STK10: variants seen among roughly 807,000 people sequenced by gnomAD.
The protein encoded by STK10 is serine/threonine kinase 10.
STK10 carries 78 observed loss-of-function variants against 113.8 expected under a neutral mutation model. That is an observed-to-expected ratio of 0.69 (90% CI 0.57 to 0.83). STK10 has a LOEUF of 0.83. Ranked by LOEUF, STK10 falls within the 40% of genes least tolerant of loss-of-function variation. The pLI, the probability that STK10 is intolerant of heterozygous loss-of-function variation, is 0.00. For synonymous variants in STK10, 465 were observed against 494.7 expected (o/e 0.94, Z 0.80); for missense variants, 1,109 against 1,280.1 (o/e 0.87, Z 2.04).
At chr5:172,056,815 A>G (rs1304983897) in intron 15 of STK10, among the ~76,000 whole-genome samples, 1 of 149,886 alleles carries the variant, frequency 6.7e-6, no homozygotes, top group African/African-American at 2.4e-5. Flanking sequence ...TGGAGGTTGC[A>G]GTGAGCCTAG....
intron 1 of STK10, among the ~76,000 whole-genome samples, chr5:172,172,021 GTC>G (rs766129849): frequency 1.9e-4 from 29 of 151,704 alleles, no homozygotes; most frequent in Non-Finnish European, 3.8e-4. Flanking sequence ...GTGAAACCCT[GTC>G]TCTACAAAAA....
chr5:172,127,759 G>A, intron 2 of STK10, among the ~76,000 whole-genome samples: 1 of 152,204 alleles, frequency 6.6e-6, no homozygotes, highest in Non-Finnish European at 1.5e-5. Context: ...GTGCCCACCT[G>A]CCAGCTGCCC....
At chr5:172,071,754 C>A (rs972164718) in intron 12 of STK10, among the ~76,000 whole-genome samples, 1 of 152,120 alleles carries the variant, frequency 6.6e-6, no homozygotes, top group African/African-American at 2.4e-5. Flanking sequence ...CTCGTCCTTA[C>A]AAGCAGCCCA....
At chr5:172,117,216 T>G (rs1769406413) in intron 4 of STK10, among the ~76,000 whole-genome samples, 1 of 151,664 alleles carries the variant, frequency 6.6e-6, no homozygotes, top group South Asian at 2.1e-4. Flanking sequence ...GAGGTGGAGG[T>G]TGCAGTGAGC....
rs759032333 is a variant in STK10 at position 172,082,938 on chromosome 5, G to A, written c.1809+23C>T. ...ACCTGGAGGCAAGAAGCCCTGCAGG[G>A]TCCCATCTTTTCTCGCACTCACGTT... On this transcript the variant is annotated intron_variant, in intron 11 of 18. Transcript: ENST00000176763. The surrounding 1 kb of genome is among the most constrained non-coding windows in gnomAD (Gnocchi z 4.3). The A allele has an allele frequency of 1.2e-6, 2 of 1,610,490 alleles. No individual in the cohort carries two copies. Among genetic ancestry groups the A allele is most frequent in the South Asian group, 1.1e-5 (1 of 90,650 alleles).
At chr5:172,164,590 T>C (rs1770530662) in intron 1 of STK10, among the ~76,000 whole-genome samples, 4 of 152,204 alleles carry the variant, frequency 2.6e-5, no homozygotes, top group African/African-American at 9.7e-5. Context: ...CTGACAGCTT[T>C]GCCAGAGATG....
chr5:172,148,170 C>T (rs946696144), intron 2 of STK10, among the ~76,000 whole-genome samples: 3 of 152,132 alleles, frequency 2.0e-5, no homozygotes, highest in Non-Finnish European at 4.4e-5. Context: ...TCATCCCCGA[C>T]GTCCAGATGA....
rs187905948 is a variant in STK10 at position 172,069,816 on chromosome 5, A to G, written c.1990-5004T>C. Among the ~76,000 whole-genome samples the G allele has an allele frequency of 4.4e-4, 67 of 152,324 alleles. 1 individual carries two copies. Among genetic ancestry groups the G allele is most frequent in the African/African-American group, 1.5e-3 (62 of 41,572 alleles). On this transcript the variant is annotated intron_variant, in intron 12 of 18. Transcript: ENST00000176763. ...ACAATACTATCAATTAAGTTGACCT[A>G]CTTGACATTTATAGAATACTCCACT...
At chr5:172,050,028 CTT>C (rs1272738268) in intron 18 of STK10, among the ~76,000 whole-genome samples, 13 of 152,238 alleles carry the variant, frequency 8.5e-5, no homozygotes, top group Non-Finnish European at 1.9e-4. Context: ...GTCTCGAACT[CTT>C]AACCTCAGGT....
rs528443403 is a variant in STK10, at chr5:172,047,512, A to G, written c.2767-2490T>C. Among the ~76,000 whole-genome samples the G allele has an allele frequency of 7.2e-5, 11 of 152,268 alleles. No individual in the cohort carries two copies. The East Asian group carries it at 2.1e-3, about 29-fold the overall frequency. ...TGTCAAGTATGGAAAGTCCCAGCAG[A>G]CCATGGTTACAGAAACTGATGAGCG... On this transcript the variant is annotated intron_variant, in intron 18 of 18. Coordinates refer to ENST00000176763, the MANE Select transcript of STK10 (RefSeq NM_005990.4).
intron 2 of STK10, 98 bp from the exon 3 acceptor site, chr5:172,127,519 A>G (rs1769650830): frequency 7.8e-7 from 1 of 1,274,092 alleles, no homozygotes. Context: ...CCCATGCCCA[A>G]TGCCTGGGTG....
At chr5:172,127,513 T>C in intron 2 of STK10, 92 bp from the exon 3 acceptor site, 3 of 1,335,284 alleles carry the variant, frequency 2.2e-6, no homozygotes, top group Non-Finnish European at 3.2e-6. Context: ...GGTCCACCCA[T>C]GCCCAATGCC....
intron 1 of STK10, among the ~76,000 whole-genome samples, chr5:172,185,699 T>C (rs1190658415): frequency 1.3e-5 from 2 of 152,232 alleles, no homozygotes; most frequent in African/African-American, 2.4e-5. Flanking sequence ...AGGAGCAGGC[T>C]CTGTCTAAGG....
At position 172,128,339 on chromosome 5, in the gene STK10, T is replaced by C. The variant is rs1239779226; in HGVS notation, c.322-918A>G. ...AGATGCTTTTTCTTTTCTTTCTTCT[T>C]TCCTTTTTTTTTTTTTTTTTAGACA... On this transcript the variant is annotated intron_variant, in intron 2 of 18. Coordinates refer to ENST00000176763, the MANE Select transcript of STK10 (RefSeq NM_005990.4). Among the ~76,000 whole-genome samples the C allele has an allele frequency of 2.8e-5, 4 of 141,972 alleles. No homozygotes were observed. In the Admixed American group the frequency reaches 2.8e-4, roughly 10 times the overall value. 93.1% of individuals were successfully genotyped at this position (141,972 alleles called of 152,430 possible).
chr5:172,106,448 G>T (rs573515480), intron 6 of STK10, among the ~76,000 whole-genome samples, 172 bp downstream of exon 6: 1 of 135,362 alleles, frequency 7.4e-6, no homozygotes, highest in South Asian at 2.4e-4. Flanking sequence ...AGGCACGAAG[G>T]GCCCGGGGGG....
chr5:172,073,110 G>C (rs1768232667), intron 12 of STK10, among the ~76,000 whole-genome samples: 3 of 151,536 alleles, frequency 2.0e-5, no homozygotes. Flanking sequence ...CAAGCAGCTG[G>C]GATTACAGGT....
chr5:172,042,150 T>A lies in STK10; in HGVS notation c.*2732A>T, dbSNP rs1251384696. 6.6e-6 allele frequency: 1 copy of A among 152,662 alleles called. No homozygotes were observed. The highest frequency in any genetic ancestry group is 1.5e-5 in the Non-Finnish European group (1 of 68,030). 9.5% of individuals were successfully genotyped at this position (152,662 alleles called of 1,614,324 possible). A position where few individuals can be genotyped will look rare whatever the true frequency, so the allele number is the denominator to read the frequency against. On this transcript the variant is annotated 3_prime_UTR_variant, in exon 19 of 19. Transcript: ENST00000176763. ...CTTTCCAGAGAACATTTTACAAAAATTTTGTATAAAGTCTGGAAACTACAT... is the reference window on the plus strand; with the variant it reads ...CTTTCCAGAGAACATTTTACAAAAAATTTGTATAAAGTCTGGAAACTACAT...
At chr5:172,045,549 T>G (rs1581126869) in intron 18 of STK10, 2 of 415,696 alleles carry the variant, frequency 4.8e-6, no homozygotes, top group East Asian at 1.4e-4. Flanking sequence ...GTTCGGATTT[T>G]GAAGATCTGT....
chr5:172,130,368 TA>T (rs1357751033), intron 2 of STK10, among the ~76,000 whole-genome samples: 1 of 151,930 alleles, frequency 6.6e-6, no homozygotes, highest in Non-Finnish European at 1.5e-5. Context: ...CCGTCTCCAC[TA>T]AAAATACAAA....
Sources: gnomAD v4.1 joint callset for allele counts (sites outside exome capture counted in the v4.1 genomes callset) on GRCh38, gnomAD v4.1.1 for gene constraint, Gnocchi (gnomAD v3.1) non-coding constraint, MANE v1.5 for transcripts, NCBI Gene and HGNC (gene_info 2026-07-23, HGNC 2026-07-21) for gene names.